AFG2A: variants seen among roughly 807,000 people sequenced by gnomAD.
AFG2A encodes the protein ATPase family gene 2 protein homolog A.
the AFG2A span, among the ~76,000 whole-genome samples, chr4:123,282,352 G>A: frequency 8.5e-5 from 13 of 152,138 alleles, no homozygotes; most frequent in South Asian, 4.1e-4. Context: ...TCACTTTCAC[G>A]TGGATAGTTA....
the AFG2A span, among the ~76,000 whole-genome samples, chr4:122,983,655 T>C: frequency 6.6e-6 from 1 of 152,226 alleles, no homozygotes. Flanking sequence ...TGTATGATTA[T>C]GGACAGAAAA....
At chr4:123,007,308 G>A in the AFG2A span, among the ~76,000 whole-genome samples, 3 of 151,830 alleles carry the variant, frequency 2.0e-5, no homozygotes, top group African/African-American at 7.3e-5. Context: ...GCTATTCGGA[G>A]GAGGCACTAT....
At chr4:123,302,166 G>T in the AFG2A span, among the ~76,000 whole-genome samples, 2 of 152,210 alleles carry the variant, frequency 1.3e-5, no homozygotes, top group Non-Finnish European at 2.9e-5. Flanking sequence ...CCAGCAAGGA[G>T]GTTGAGACAC....
At chr4:123,263,603 A>G in the AFG2A span, among the ~76,000 whole-genome samples, 1 of 43,896 alleles carries the variant, frequency 2.3e-5, no homozygotes, top group South Asian at 5.9e-4. Context: ...GCCAACAAAC[A>G]TATGAAAAAA....
the AFG2A span, among the ~76,000 whole-genome samples, chr4:123,180,927 C>T: frequency 2.7e-5 from 4 of 150,378 alleles, no homozygotes; most frequent in African/African-American, 9.8e-5. Context: ...CATATAATCT[C>T]TGTGGAATCT....
the AFG2A span, among the ~76,000 whole-genome samples, chr4:123,175,205 TAAAA>T: frequency 6.6e-6 from 1 of 151,660 alleles, no homozygotes; most frequent in Non-Finnish European, 1.5e-5. Flanking sequence ...GATTAAAGAG[TAAAA>T]AAATTAACAG....
chr4:122,978,918 C>T, the AFG2A span, among the ~76,000 whole-genome samples: 8 of 152,188 alleles, frequency 5.3e-5, no homozygotes, highest in African/African-American at 1.9e-4. Context: ...GCAGGCACTT[C>T]GGAGCCTGTT....
the AFG2A span, among the ~76,000 whole-genome samples, chr4:122,925,075 A>G: frequency 6.6e-6 from 1 of 152,192 alleles, no homozygotes; most frequent in Non-Finnish European, 1.5e-5. Context: ...CCAACAAAAT[A>G]AACTTCAACT....
chr4:123,143,077 T>C, the AFG2A span, among the ~76,000 whole-genome samples: 3 of 151,842 alleles, frequency 2.0e-5, no homozygotes, highest in Non-Finnish European at 4.4e-5. Context: ...AGTAAGTATG[T>C]ATAATGCAAA....
chr4:123,057,159 A>T, the AFG2A span: 4 of 1,594,628 alleles, frequency 2.5e-6, no homozygotes, highest in Non-Finnish European at 3.4e-6. Context: ...CAACTACAGA[A>T]TTTTCTAGTG....
chr4:123,318,308 A>G, the AFG2A span: 2 of 152,246 alleles, frequency 1.3e-5, no homozygotes, highest in African/African-American at 4.8e-5. Context: ...GGGAGACATT[A>G]TGTCTGGGAA....
At chr4:123,009,658 C>T in the AFG2A span, among the ~76,000 whole-genome samples, 1,690 of 152,096 alleles carry the variant, frequency 0.011, 44 homozygotes, top group African/African-American at 0.038. Flanking sequence ...ATGGCCTTGA[C>T]GATTTTAAGG....
chr4:123,086,579 C>T, the AFG2A span, among the ~76,000 whole-genome samples: 1 of 152,120 alleles, frequency 6.6e-6, no homozygotes, highest in African/African-American at 2.4e-5. Context: ...GGGAAATTCT[C>T]AGTGAATGTT....
chr4:123,092,584 G>A, the AFG2A span, among the ~76,000 whole-genome samples: 11 of 152,228 alleles, frequency 7.2e-5, no homozygotes, highest in Admixed American at 1.3e-4. Flanking sequence ...TAGCAGCTTC[G>A]CACCCATTTG....
the AFG2A span, among the ~76,000 whole-genome samples, chr4:123,188,519 AGAG>A: frequency 1.3e-5 from 2 of 152,220 alleles, no homozygotes; most frequent in East Asian, 3.9e-4. Flanking sequence ...CGTCGATCAT[AGAG>A]CAATCACATA....
At chr4:123,001,778 C>T in the AFG2A span, among the ~76,000 whole-genome samples, 2 of 152,126 alleles carry the variant, frequency 1.3e-5, no homozygotes, top group Admixed American at 1.3e-4. Context: ...AATGTATATT[C>T]TGTTGATTTG....
chr4:123,219,979 C>T, the AFG2A span, among the ~76,000 whole-genome samples: 2 of 152,172 alleles, frequency 1.3e-5, no homozygotes, highest in Admixed American at 6.5e-5. Flanking sequence ...AAGCGATTCT[C>T]CTGCCTCAGC....
the AFG2A span, among the ~76,000 whole-genome samples, chr4:123,125,044 A>T: frequency 6.6e-6 from 1 of 152,196 alleles, no homozygotes; most frequent in Non-Finnish European, 1.5e-5. Context: ...TGGATGCTTT[A>T]TTCCAGATGT....
At chr4:123,166,173 A>C in the AFG2A span, among the ~76,000 whole-genome samples, 1 of 152,174 alleles carries the variant, frequency 6.6e-6, no homozygotes, top group Non-Finnish European at 1.5e-5. Flanking sequence ...GTGTTGACAA[A>C]GGAGATTAAC....
Sources: allele counts gnomAD v4.1 joint callset (sites outside exome capture counted in the v4.1 genomes callset), GRCh38; gene constraint gnomAD v4.1.1; transcripts MANE v1.5; gene names NCBI Gene and HGNC (gene_info 2026-07-23, HGNC 2026-07-21).